The following SLC12A9 variants were observed in gnomAD, a reference collection of about 807,000 sequenced individuals.
SLC12A9 encodes solute carrier family 12 member 9.
In SLC12A9, 55 loss-of-function variants were observed where a neutral mutation model predicts 66.0. That is an observed-to-expected ratio of 0.83 (90% CI 0.67 to 1.04). The LOEUF is 1.04. SLC12A9 is among the 50% of genes least tolerant of loss of function. The pLI, the probability that SLC12A9 is intolerant of heterozygous loss-of-function variation, is 0.00. For synonymous variants in SLC12A9, 577 were observed against 569.0 expected, an observed-to-expected ratio of 1.01 and a Z score of -0.20; for missense variants, 1,061 against 1,241.9, an observed-to-expected ratio of 0.85 and a Z score of 2.19.
At chr7:100,859,669 G>A (rs1032120400) in intron 7 of SLC12A9, 1 of 582,220 alleles carries the variant, frequency 1.7e-6, no homozygotes, top group Non-Finnish European at 3.0e-6. Flanking sequence ...TATGATTACA[G>A]CACTGCACTT....
chr7:100,829,630 T>G (rs960282209), intron 1 of SLC12A9, among the ~76,000 whole-genome samples: 22 of 152,008 alleles, frequency 1.4e-4, no homozygotes, highest in Non-Finnish European at 1.6e-4. Flanking sequence ...AGTCTCCCCT[T>G]CTCTTATTCA....
intron 1 of SLC12A9, among the ~76,000 whole-genome samples, chr7:100,829,680 C>T (rs1333975375): frequency 4.6e-5 from 7 of 152,174 alleles, no homozygotes; most frequent in African/African-American, 1.7e-4. Flanking sequence ...CTCCCAAACC[C>T]CTGCCCTGCC....
chr7:100,838,683 T>C (rs1813718079), intron 1 of SLC12A9, among the ~76,000 whole-genome samples: 1 of 152,106 alleles, frequency 6.6e-6, no homozygotes. Context: ...CGCCGGCTAA[T>C]TTTTTTGCAT....
At chr7:100,855,986 C>T in intron 4 of SLC12A9, 149 bp downstream of exon 4, 4 of 1,247,890 alleles carry the variant, frequency 3.2e-6, no homozygotes, top group East Asian at 2.7e-5. Flanking sequence ...CAGCATCGTG[C>T]AGGAGATATG....
intron 1 of SLC12A9, among the ~76,000 whole-genome samples, chr7:100,830,914 A>G (rs962818626): frequency 6.6e-6 from 1 of 151,976 alleles, no homozygotes; most frequent in African/African-American, 2.4e-5. Context: ...ACCACTTCCC[A>G]GGCAAGCAAA....
intron 5 of SLC12A9, chr7:100,858,575 G>A: frequency 5.2e-6 from 2 of 384,404 alleles, no homozygotes; most frequent in Non-Finnish European, 4.9e-6. Flanking sequence ...GGATGACAGA[G>A]CCAGACCCTG....
At chr7:100,829,042 C>CA (rs1813490172) in intron 1 of SLC12A9, among the ~76,000 whole-genome samples, 1 of 150,856 alleles carries the variant, frequency 6.6e-6, no homozygotes. Flanking sequence ...GGCTGGAGTG[C>CA]AGTGGCGTGA....
At chr7:100,859,650 G>A (rs1459643731) in intron 7 of SLC12A9, 9 of 526,488 alleles carry the variant, frequency 1.7e-5, no homozygotes, top group Admixed American at 1.1e-4. Flanking sequence ...GGTCGAGGCT[G>A]CAGTGAGCTA....
intron 1 of SLC12A9, chr7:100,827,265 G>A (rs1813435538): frequency 6.3e-6 from 1 of 159,986 alleles, no homozygotes; most frequent in Non-Finnish European, 1.3e-5. Flanking sequence ...TGGCCGCGCC[G>A]GGCGGGCGCG....
chr7:100,829,179 G>A (rs1172263979), intron 1 of SLC12A9, among the ~76,000 whole-genome samples: 1 of 152,062 alleles, frequency 6.6e-6, no homozygotes, highest in Non-Finnish European at 1.5e-5. Context: ...GTAGAGACAG[G>A]GTTTCGCCAT....
intron 9 of SLC12A9, 192 bp downstream of exon 9, chr7:100,860,424 C>A (rs1232846859): frequency 2.4e-5 from 15 of 628,374 alleles, no homozygotes; most frequent in Middle Eastern, 7.0e-4. Flanking sequence ...CAGTGCTTTG[C>A]AGAGTTCATT....
intron 1 of SLC12A9, chr7:100,827,144 G>A (rs1488499674): frequency 4.1e-6 from 5 of 1,214,156 alleles, no homozygotes; most frequent in South Asian, 1.5e-5. Context: ...CTCCTCGTCG[G>A]GGCCCTCAGC....
chr7:100,843,684 A>C (rs1374046233), intron 1 of SLC12A9, among the ~76,000 whole-genome samples: 1 of 152,220 alleles, frequency 6.6e-6, no homozygotes, highest in Non-Finnish European at 1.5e-5. Context: ...CAAAACCTGA[A>C]TATAAAGTCC....
At chr7:100,843,567 A>C (rs1042864318) in intron 1 of SLC12A9, among the ~76,000 whole-genome samples, 1 of 152,250 alleles carries the variant, frequency 6.6e-6, no homozygotes, top group African/African-American at 2.4e-5. Context: ...CCAGTGGCCT[A>C]TCTCTCAAAA....
intron 8 of SLC12A9, 52 bp from the exon 9 acceptor site, chr7:100,860,098 C>A: frequency 1.9e-6 from 3 of 1,614,116 alleles, no homozygotes; most frequent in Non-Finnish European, 1.7e-6. Context: ...TCTGTCTCTC[C>A]GTCCCCGCTG....
At chr7:100,830,275 C>A (rs183265781) in intron 1 of SLC12A9, among the ~76,000 whole-genome samples, 257 of 151,986 alleles carry the variant, frequency 1.7e-3, no homozygotes, top group African/African-American at 6.1e-3. Flanking sequence ...TTGCTTGAAC[C>A]CTGGGAGGCA....
chr7:100,865,952 G>C lies in SLC12A9; in HGVS notation c.2092G>C (p.Val698Leu). 6.2e-7 allele frequency: 1 copy of C among 1,613,244 alleles called. No homozygotes were observed. Among genetic ancestry groups the C allele is most frequent in the East Asian group, 2.2e-5 (1 of 44,856 alleles). Residue 698 changes from valine to leucine, a missense_variant, in exon 14 of 14, where the codon GTG (valine) becomes CTG (leucine). By Grantham distance (32) the Val-to-Leu change is conservative. Coordinates refer to ENST00000354161, the MANE Select transcript of SLC12A9 (RefSeq NM_020246.4). ...CGCCCTCAAGATGAACAAGAATGTG[G>C]TGCTGGCCCGGGCCAGCGGGGCCTT... ...ADALKMNKNVVLARASGALPP... is the reference protein window; with the variant it reads ...ADALKMNKNVLLARASGALPP...
chr7:100,857,257 G>A, intron 5 of SLC12A9, 81 bp downstream of exon 5: 3 of 1,436,224 alleles, frequency 2.1e-6, no homozygotes, highest in Non-Finnish European at 2.9e-6. Flanking sequence ...ACCTCTGGAT[G>A]AGCACAGGTG....
At position 100,856,932 on chromosome 7, in the gene SLC12A9, C is replaced by T; in HGVS notation, c.513C>T (p.Gly171=). 1 of 1,612,700 alleles carries T rather than the reference C, an allele frequency of 6.2e-7. No homozygotes were observed. The highest frequency in any genetic ancestry group is 1.3e-5 in the African/African-American group (1 of 75,056). The change falls in exon 5 of 14, where the codon GGC becomes GGT. Residue 171 remains glycine, a synonymous_variant. Coordinates refer to ENST00000354161, the MANE Select transcript of SLC12A9 (RefSeq NM_020246.4). ...GCTACGGCTGGAACCTGCTGTATGG[C>T]TCCCTGCTGCTGGGCCTTGTGGGTG... The part of the protein sequence containing the change: ...PQGYGWNLLY[G]SLLLGLVGGV...
Sources: gnomAD v4.1 joint callset for allele counts (sites outside exome capture counted in the v4.1 genomes callset) on GRCh38, gnomAD v4.1.1 for gene constraint, MANE v1.5 for transcripts, NCBI Gene and HGNC (gene_info 2026-07-23, HGNC 2026-07-21) for gene names.